CAMK2B: variants seen among roughly 807,000 people sequenced by gnomAD.
CAMK2B encodes the protein calcium/calmodulin dependent protein kinase II beta.
A neutral mutation model predicts 93.7 loss-of-function variants in CAMK2B; 27 were observed. The observed-to-expected ratio is 0.29, with a 90% confidence interval of 0.21 to 0.40. The LOEUF is 0.40. CAMK2B is among the 10% of genes least tolerant of loss of function. The pLI is 1.00. For synonymous variants in CAMK2B, 374 were observed against 358.8 expected, an observed-to-expected ratio of 1.04 and a Z score of -0.48; for missense variants, 568 against 895.8, an observed-to-expected ratio of 0.63 and a Z score of 4.67.
At chr7:44,325,816 CGCACCT>C (rs1164504742), upstream of CAMK2B, 27 of 152,714 alleles carry the variant, frequency 1.8e-4, no homozygotes, top group Non-Finnish European at 2.2e-4. Context: ...GCACCCGCAA[CGCACCT>C]GCACCTGCAC....
In CAMK2B at chr7:44,225,692, C is replaced by A. The variant is rs1452224780; in HGVS notation, c.1597+824G>T. ...CACACCCTTCTGCCCTGGCCGCCTG[C>A]AGCAGCCCCCAGGCCCAGCCTGCAG... On this transcript the variant is annotated intron_variant, in intron 20 of 23. Transcript: ENST00000395749. The surrounding 1 kb of genome is among the most constrained non-coding windows in gnomAD (Gnocchi z 5.0). The A allele has an allele frequency of 4.7e-6, 6 of 1,269,662 alleles. No individual in the cohort carries two copies. The highest frequency in any genetic ancestry group is 1.0e-6 in the Non-Finnish European group (1 of 971,292). 78.6% of individuals were successfully genotyped at this position (1,269,662 alleles called of 1,614,324 possible). A position where few individuals can be genotyped will look rare whatever the true frequency, so the allele number is the denominator to read the frequency against.
At chr7:44,320,430 T>C (rs1413927735) in intron 1 of CAMK2B, among the ~76,000 whole-genome samples, 1 of 152,128 alleles carries the variant, frequency 6.6e-6, no homozygotes, top group African/African-American at 2.4e-5. Flanking sequence ...TGGATTCAAA[T>C]CCTGACCCTG....
chr7:44,250,103 G>A (rs2096766137), intron 5 of CAMK2B, among the ~76,000 whole-genome samples: 1 of 152,188 alleles, frequency 6.6e-6, no homozygotes, highest in Non-Finnish European at 1.5e-5. Flanking sequence ...AGCAAGCCAG[G>A]GGTCCCCAAG....
At chr7:44,231,723 C>T (rs902622945) in intron 16 of CAMK2B, among the ~76,000 whole-genome samples, 2 of 152,194 alleles carry the variant, frequency 1.3e-5, no homozygotes, top group Non-Finnish European at 2.9e-5. Flanking sequence ...AGTCAGGCCC[C>T]GGCCTCACCT....
chr7:44,247,044 G>T, intron 6 of CAMK2B, 76 bp downstream of exon 6: 1 of 1,212,516 alleles, frequency 8.2e-7, no homozygotes, highest in Non-Finnish European at 1.2e-6. Context: ...ACACTGTCCA[G>T]CCCCTCACAC....
At chr7:44,261,808 CTG>C (rs1364823448) in intron 3 of CAMK2B, among the ~76,000 whole-genome samples, 2 of 152,162 alleles carry the variant, frequency 1.3e-5, no homozygotes, top group Non-Finnish European at 2.9e-5. Flanking sequence ...GCAAATAACA[CTG>C]TGGGCAGCAT....
intron 12 of CAMK2B, 101 bp from the exon 13 acceptor site, chr7:44,239,764 A>G: frequency 1.2e-6 from 1 of 826,372 alleles, no homozygotes; most frequent in Non-Finnish European, 2.0e-6. Context: ...GAAGCAGAAG[A>G]AGATTAGAGT....
chr7:44,237,984 C>T (rs546404891), intron 13 of CAMK2B, among the ~76,000 whole-genome samples: 10 of 152,308 alleles, frequency 6.6e-5, no homozygotes, highest in Middle Eastern at 3.4e-3. Context: ...GAAGCACACT[C>T]GACAGACGGG....
chr7:44,267,907 C>T (rs888767660), intron 2 of CAMK2B: 1 of 152,230 alleles, frequency 6.6e-6, no homozygotes, highest in Non-Finnish European at 1.5e-5. Context: ...CGGGGAATGC[C>T]GAGCCCTGGG....
At chr7:44,320,971 G>A (rs76272149) in intron 1 of CAMK2B, among the ~76,000 whole-genome samples, 1 of 152,188 alleles carries the variant, frequency 6.6e-6, no homozygotes, top group Admixed American at 6.5e-5. Context: ...CAGTGGGGAG[G>A]CAAAAGGAGA....
chr7:44,255,126 G>T (rs374171596), intron 4 of CAMK2B, among the ~76,000 whole-genome samples: 31 of 152,222 alleles, frequency 2.0e-4, no homozygotes, highest in African/African-American at 7.2e-4. Context: ...AGAGCCTAAA[G>T]ACACGGTGCC....
At chr7:44,246,928 ACATGCACACACATACACATGCACATG>A (rs2096737024) in intron 6 of CAMK2B, among the ~76,000 whole-genome samples, 166 bp downstream of exon 6, 1 of 151,580 alleles carries the variant, frequency 6.6e-6, no homozygotes, top group South Asian at 2.1e-4. Context: ...TCCACACAGG[ACATGCACACACATACACATGCACATG>A]CATGCACACA....
chr7:44,220,752 T>C, intron 21 of CAMK2B, 42 bp from the exon 22 acceptor site: 2 of 1,579,822 alleles, frequency 1.3e-6, no homozygotes, highest in South Asian at 2.3e-5. Context: ...CGTGGACCCC[T>C]GACTCTGAGC....
chr7:44,306,865 A>G (rs1328201975), intron 1 of CAMK2B, among the ~76,000 whole-genome samples: 214 of 86,596 alleles, frequency 2.5e-3, no homozygotes, highest in African/African-American at 3.5e-3. Flanking sequence ...AGGGGAAGGA[A>G]GGTGTGAGCA....
intron 13 of CAMK2B, among the ~76,000 whole-genome samples, chr7:44,238,923 C>T (rs1023252488): frequency 0.14 from 25 of 178 alleles, no homozygotes; most frequent in African/African-American, 0.27. Context: ...CCAACTTGGG[C>T]CTCTGGCTCT....
intron 2 of CAMK2B, among the ~76,000 whole-genome samples, chr7:44,269,354 T>A (rs2096951214): frequency 6.6e-6 from 1 of 151,636 alleles, no homozygotes; most frequent in African/African-American, 2.4e-5. Flanking sequence ...GGAAGGAGGG[T>A]CTTACAGGAC....
intron 1 of CAMK2B, among the ~76,000 whole-genome samples, chr7:44,309,563 C>A (rs562111727): frequency 6.6e-6 from 1 of 152,230 alleles, no homozygotes; most frequent in African/African-American, 2.4e-5. Context: ...GAAGGACAGG[C>A]AGAAGCGGTC....
intron 1 of CAMK2B, among the ~76,000 whole-genome samples, chr7:44,322,912 G>A (rs1563133544): frequency 6.6e-6 from 1 of 152,226 alleles, no homozygotes; most frequent in Non-Finnish European, 1.5e-5. Context: ...ACTTGGACAT[G>A]TCCACCTGGG....
At chr7:44,241,636 T>C in intron 11 of CAMK2B, 64 bp downstream of exon 11, 1 of 1,352,914 alleles carries the variant, frequency 7.4e-7, no homozygotes, top group African/African-American at 1.4e-5. Context: ...AAGGCCCCCC[T>C]GCTCCAGCCC....
Sources: gnomAD v4.1 joint callset for allele counts (sites outside exome capture counted in the v4.1 genomes callset) on GRCh38, gnomAD v4.1.1 for gene constraint, Gnocchi (gnomAD v3.1) non-coding constraint, MANE v1.5 for transcripts, NCBI Gene and HGNC (gene_info 2026-07-23, HGNC 2026-07-21) for gene names.